Variants in PACRGL observed in about 807,000 individuals in gnomAD.
The protein encoded by PACRGL is PACRG-like protein.
In PACRGL, 38 loss-of-function variants were observed where a neutral mutation model predicts 34.5. The ratio of observed to expected loss-of-function variants is 1.10; its 90% confidence interval spans 0.85 to 1.44. PACRGL has a LOEUF of 1.44. PACRGL is among the 40% of genes most tolerant of loss of function. The pLI is 0.00. For synonymous variants in PACRGL, 128 were observed against 100.1 expected (o/e 1.28, Z -1.66); for missense variants, 305 against 281.4 (o/e 1.08, Z -0.60).
At chr4:20,748,894 GTATA>G (rs57841958) in intron 8 of PACRGL, among the ~76,000 whole-genome samples, 2,180 of 145,212 alleles carry the variant, frequency 0.015, 54 homozygotes, top group African/African-American at 0.047. Context: ...GTGTGTGTGT[GTATA>G]TATATATATA....
chr4:20,747,542 C>G (rs1752632939), intron 8 of PACRGL, among the ~76,000 whole-genome samples: 1 of 152,152 alleles, frequency 6.6e-6, no homozygotes, highest in East Asian at 1.9e-4. Context: ...GGATAGTCTT[C>G]CCCCAACCAT....
Position 20,729,500 on chromosome 4 carries a change from A to ATGTT in PACRGL, c.*2161_*2164dup, listed in dbSNP as rs913981097. ...TTTTTAAATGTTTAATAATTTTTAA[A>ATGTT]TGTTTAAAAATGCCAGATAAAACTA... On this transcript the variant is annotated 3_prime_UTR_variant, in exon 9 of 9. Transcript: ENST00000503585. 1.4e-5 allele frequency: 2 copies of ATGTT among 146,488 alleles called. No individual in the cohort carries two copies. Among genetic ancestry groups the ATGTT allele is most frequent in the African/African-American group, 5.1e-5 (2 of 38,994 alleles). 9.1% of individuals were successfully genotyped at this position (146,488 alleles called of 1,614,324 possible).
intron 1 of PACRGL, among the ~76,000 whole-genome samples, chr4:20,703,031 T>A (rs1732896055): frequency 1.3e-5 from 2 of 152,190 alleles, no homozygotes; most frequent in African/African-American, 4.8e-5. Context: ...TGGCTAAATT[T>A]TATAACATGG....
At chr4:20,714,703 G>A (rs1738971134) in intron 7 of PACRGL, among the ~76,000 whole-genome samples, 1 of 152,050 alleles carries the variant, frequency 6.6e-6, no homozygotes, top group African/African-American at 2.4e-5. Flanking sequence ...TGGTGGAAAT[G>A]CAAATCAAAA....
downstream of PACRGL, among the ~76,000 whole-genome samples, chr4:20,736,968 GTAGAA>G (rs1454283980): frequency 6.6e-6 from 1 of 152,154 alleles, no homozygotes; most frequent in Non-Finnish European, 1.5e-5. Context: ...ATATAGAACA[GTAGAA>G]TAGAATTGAG....
chr4:20,730,684 G>T lies in PACRGL; in HGVS notation c.*3343G>T, dbSNP rs1747867338. Among the ~76,000 whole-genome samples, 1 of 152,148 alleles carries T rather than the reference G, an allele frequency of 6.6e-6. No individual in the cohort carries two copies. Among genetic ancestry groups the T allele is most frequent in the Non-Finnish European group, 1.5e-5 (1 of 68,020 alleles). ...ATGGCCTGAAGGAGCCTTTAAAAATGAATGGTCTCTCAATTACAGAGAAAG... is the reference window on the plus strand; with the variant it reads ...ATGGCCTGAAGGAGCCTTTAAAAATTAATGGTCTCTCAATTACAGAGAAAG... On this transcript the variant is annotated 3_prime_UTR_variant, in exon 9 of 9. Transcript: ENST00000503585.
Position 20,731,043 on chromosome 4 carries a change from C to T in PACRGL, c.*3702C>T, listed in dbSNP as rs1228208576. Among the ~76,000 whole-genome samples the T allele has an allele frequency of 4.6e-5, 7 of 152,100 alleles. No homozygotes were observed. Among genetic ancestry groups the T allele is most frequent in the African/African-American group, 9.7e-5 (4 of 41,428 alleles). On this transcript the variant is annotated 3_prime_UTR_variant, in exon 9 of 9. Transcript: ENST00000503585. ...ATAAAGAGAAAAACTAAAGAAACAA[C>T]GGATTTCTTTGTTTTCAGGATTATT... is the stretch of plus-strand genomic sequence containing the variant.
At chr4:20,719,337 G>A (rs1359345639) in intron 7 of PACRGL, among the ~76,000 whole-genome samples, 1 of 152,186 alleles carries the variant, frequency 6.6e-6, no homozygotes, top group Middle Eastern at 3.4e-3. Flanking sequence ...CTTCAATTCT[G>A]CTCTGATCTT....
At position 20,729,622 on chromosome 4, in the gene PACRGL, A is replaced by AAC; in HGVS notation, c.*2282_*2283insCA. On this transcript the variant is annotated 3_prime_UTR_variant, in exon 9 of 9. Transcript: ENST00000503585. The stretch of plus-strand genomic sequence containing the variant: ...CCTTAAAGTATATAAATGGAATTTA[A>AAC]ATGGAATTACAGCATTCAAACATGA... 6.7e-6 allele frequency: 1 copy of AAC among 148,472 alleles called. No homozygotes were observed. Among genetic ancestry groups the AAC allele is most frequent in the African/African-American group, 2.5e-5 (1 of 39,450 alleles). 9.2% of individuals were successfully genotyped at this position (148,472 alleles called of 1,614,324 possible). A position where few individuals can be genotyped will look rare whatever the true frequency, so the allele number is the denominator to read the frequency against.
chr4:20,738,130 A>G, intron 8 of PACRGL, among the ~76,000 whole-genome samples: 1 of 120,640 alleles, frequency 8.3e-6, no homozygotes, highest in African/African-American at 3.7e-5. Context: ...ACTCTGTCTC[A>G]AAAAAAAAAA....
At chr4:20,720,720 G>A (rs895363171) in intron 7 of PACRGL, among the ~76,000 whole-genome samples, 1 of 152,144 alleles carries the variant, frequency 6.6e-6, no homozygotes, top group Non-Finnish European at 1.5e-5. Flanking sequence ...GCTTCCCTTT[G>A]TGGGTAACCC....
chr4:20,706,382 G>A (rs1228299894), intron 3 of PACRGL, among the ~76,000 whole-genome samples: 1 of 152,124 alleles, frequency 6.6e-6, no homozygotes, highest in African/African-American at 2.4e-5. Flanking sequence ...TATGTTGATA[G>A]TATAGTACTA....
In PACRGL at chr4:20,727,857, G is replaced by C. The variant is rs1391363748; in HGVS notation, c.*516G>C. On this transcript the variant is annotated 3_prime_UTR_variant, in exon 9 of 9. Coordinates refer to ENST00000503585, the MANE Select transcript of PACRGL (RefSeq NM_001258345.3). ...ACTGGAGTGCAGTGGCATAATCATA[G>C]CTCACCGCAAGCCTCAAATTTTTGT... The C allele has an allele frequency of 6.5e-6, 1 of 153,296 alleles. No individual in the cohort carries two copies. Among genetic ancestry groups the C allele is most frequent in the Non-Finnish European group, 1.5e-5 (1 of 68,832 alleles). The allele number at this position is 153,296 out of a possible 1,614,324, so 9.5% of individuals were successfully genotyped here.
chr4:20,756,760 TTCA>T (rs1243268504), downstream of PACRGL, among the ~76,000 whole-genome samples: 2 of 152,088 alleles, frequency 1.3e-5, no homozygotes, highest in African/African-American at 4.8e-5. Flanking sequence ...CTTACTGGAC[TTCA>T]TCATTTCATT....
chr4:20,702,071 A>C, intron 1 of PACRGL: 2 of 445,118 alleles, frequency 4.5e-6, no homozygotes, highest in African/African-American at 2.0e-5. Context: ...ACCATGTTTA[A>C]AACTTTTTCA....
intron 8 of PACRGL, among the ~76,000 whole-genome samples, chr4:20,725,228 G>T (rs1326665913): frequency 6.6e-6 from 1 of 152,054 alleles, no homozygotes; most frequent in Non-Finnish European, 1.5e-5. Context: ...TCAGAAAACC[G>T]AACGATTAAC....
chr4:20,753,779 G>A (rs1754041240), downstream of PACRGL, among the ~76,000 whole-genome samples: 1 of 152,140 alleles, frequency 6.6e-6, no homozygotes, highest in African/African-American at 2.4e-5. Flanking sequence ...GATACTCAGT[G>A]GGTGAAGTCT....
chr4:20,715,973 A>G, intron 7 of PACRGL: 1 of 745,356 alleles, frequency 1.3e-6, no homozygotes. Flanking sequence ...TGTCTTGTGT[A>G]ATTATATGTT....
At chr4:20,757,526 A>C (rs1290944278), downstream of PACRGL, among the ~76,000 whole-genome samples, 1 of 150,148 alleles carries the variant, frequency 6.7e-6, no homozygotes, top group Non-Finnish European at 1.5e-5. Context: ...TCCATTGTAC[A>C]CTCTCTACCC....
Sources: allele counts gnomAD v4.1 joint callset (sites outside exome capture counted in the v4.1 genomes callset), GRCh38; gene constraint gnomAD v4.1.1; transcripts MANE v1.5; gene names NCBI Gene and HGNC (gene_info 2026-07-23, HGNC 2026-07-21).